Variants in SMARCA4 observed in about 807,000 individuals in gnomAD.
SMARCA4 encodes SWI/SNF related BAF chromatin remodeling complex subunit ATPase 4, also known as SWI/SNF-related matrix-associated actin-dependent regulator of chromatin subfamily A member 4.
SMARCA4 carries 31 observed loss-of-function variants against 193.9 expected under a neutral mutation model. The ratio of observed to expected loss-of-function variants is 0.16; its 90% CI spans 0.12 to 0.22. SMARCA4 has a LOEUF of 0.22. SMARCA4 is among the 10% of genes least tolerant of loss of function. The pLI, the probability that SMARCA4 is intolerant of heterozygous loss-of-function variation, is 1.00. For synonymous variants in SMARCA4, 942 were observed against 933.1 expected, an observed-to-expected ratio of 1.01 and a Z score of -0.17; for missense variants, 1,148 against 2,296.0, an observed-to-expected ratio of 0.50 and a Z score of 10.22.
At chr19:10,973,525 C>T (rs566875272) in intron 1 of SMARCA4, among the ~76,000 whole-genome samples, 29 of 151,786 alleles carry the variant, frequency 1.9e-4, no homozygotes, top group African/African-American at 4.1e-4. Flanking sequence ...CTTAGCCTCC[C>T]GAGTAGCTGG....
chr19:10,995,507 G>T (rs1368481454), intron 9 of SMARCA4: 6 of 456,380 alleles, frequency 1.3e-5, no homozygotes, highest in Non-Finnish European at 2.6e-5. Flanking sequence ...GCTACAGTGA[G>T]GAGGGGGAAG....
intron 1 of SMARCA4, among the ~76,000 whole-genome samples, chr19:10,969,012 A>G (rs1270757901): frequency 6.6e-6 from 1 of 151,978 alleles, no homozygotes; most frequent in Non-Finnish European, 1.5e-5. Context: ...CAAGGTTCTC[A>G]TCCTATTCCT....
At chr19:10,967,427 C>T (rs1223212691) in intron 1 of SMARCA4, among the ~76,000 whole-genome samples, 1 of 152,180 alleles carries the variant, frequency 6.6e-6, no homozygotes, top group African/African-American at 2.4e-5. Flanking sequence ...TCTCCTGCCT[C>T]AGCCTCCTGA....
intron 1 of SMARCA4, among the ~76,000 whole-genome samples, chr19:10,980,566 G>A (rs2085480197): frequency 6.6e-6 from 1 of 151,838 alleles, no homozygotes; most frequent in South Asian, 2.1e-4. Flanking sequence ...CCCCGGGGAC[G>A]GAGGTTGCAG....
chr19:11,044,940 A>AG (rs1188607860), intron 30 of SMARCA4, among the ~76,000 whole-genome samples: 1 of 152,200 alleles, frequency 6.6e-6, no homozygotes, highest in Non-Finnish European at 1.5e-5. Flanking sequence ...CTAATCGTAC[A>AG]GGGCCCCAAA....
intron 1 of SMARCA4, among the ~76,000 whole-genome samples, chr19:10,968,324 G>C (rs550264001): frequency 6.6e-6 from 1 of 152,098 alleles, no homozygotes; most frequent in Non-Finnish European, 1.5e-5. Flanking sequence ...GGTTTCCAGA[G>C]CTTTGCTTTT....
chr19:11,031,610 A>G lies in SMARCA4; in HGVS notation c.3546+717A>G, dbSNP rs2074935586. On this transcript the variant is annotated intron_variant, in intron 25 of 34. Coordinates refer to ENST00000344626, the MANE Select transcript of SMARCA4 (RefSeq NM_003072.5). The surrounding 1 kb of genome is among the most constrained non-coding windows in gnomAD (Gnocchi z 4.3). Reference sequence around the variant, plus strand: ...CTAGCATGTGCCTCTTCCACCAAGCAGTGGGTGTCAACCGCCGAGTGCACA... The same window carrying G: ...CTAGCATGTGCCTCTTCCACCAAGCGGTGGGTGTCAACCGCCGAGTGCACA... 1 of 152,424 alleles carries G rather than the reference A, an allele frequency of 6.6e-6. No individual in the cohort carries two copies. The highest frequency in any genetic ancestry group is 6.5e-5 in the Admixed American group (1 of 15,300). 9.4% of individuals were successfully genotyped at this position (152,424 alleles called of 1,614,324 possible). A position where few individuals can be genotyped will look rare whatever the true frequency, so the allele number is the denominator to read the frequency against.
chr19:10,966,890 C>T (rs1333758442), intron 1 of SMARCA4, among the ~76,000 whole-genome samples: 1 of 121,974 alleles, frequency 8.2e-6, no homozygotes, highest in Non-Finnish European at 1.7e-5. Context: ...TACGTCTCTA[C>T]AAAAGAAAAA....
intron 14 of SMARCA4, 58 bp from the exon 15 acceptor site, chr19:11,010,323 G>T (rs143799919): frequency 6.3e-7 from 1 of 1,587,586 alleles, no homozygotes. Context: ...TCAGGAGCCA[G>T]CACATTGTCA....
chr19:11,022,784 G>A (rs2089971755), intron 19 of SMARCA4, among the ~76,000 whole-genome samples: 1 of 152,138 alleles, frequency 6.6e-6, no homozygotes, highest in Non-Finnish European at 1.5e-5. Flanking sequence ...TGGCGAAACC[G>A]AGGCATTCCC....
intron 9 of SMARCA4, chr19:10,995,944 T>A: frequency 3.8e-6 from 2 of 527,860 alleles, no homozygotes; most frequent in Non-Finnish European, 3.5e-6. Flanking sequence ...GTGTATTTCG[T>A]GGACAGAGTG....
At chr19:11,047,997 T>A (rs2076045474) in intron 30 of SMARCA4, among the ~76,000 whole-genome samples, 1 of 152,200 alleles carries the variant, frequency 6.6e-6, no homozygotes, top group African/African-American at 2.4e-5. Flanking sequence ...GTCTAGAAGT[T>A]ACATTCTGTA....
At chr19:11,061,642 C>T (rs1259996602) in intron 34 of SMARCA4, 142 bp from the exon 35 acceptor site, 12 of 816,232 alleles carry the variant, frequency 1.5e-5, no homozygotes, top group South Asian at 2.7e-5. Flanking sequence ...TTCCAAAGTG[C>T]TGGGATTACG....
chr19:10,966,491 T>C (rs988537380), intron 1 of SMARCA4, among the ~76,000 whole-genome samples: 2 of 149,816 alleles, frequency 1.3e-5, no homozygotes, highest in African/African-American at 4.9e-5. Context: ...ACTTGGGAGG[T>C]TGACGTGGGA....
In SMARCA4 at chr19:11,059,782, G is replaced by A. The variant is rs1201916615; in HGVS notation, c.4665G>A (p.Ser1555=). 4.4e-6 allele frequency: 7 copies of A among 1,598,830 alleles called. No individual in the cohort carries two copies. Among genetic ancestry groups the A allele is most frequent in the African/African-American group, 2.7e-5 (2 of 74,710 alleles). The change falls in exon 33 of 35, where the codon TCG becomes TCA. Residue 1555 remains serine (S), a synonymous_variant. Coordinates refer to ENST00000344626, the MANE Select transcript of SMARCA4 (RefSeq NM_003072.5). ...ATGAAGACTCCATCGTCTTGCAGTC[G>A]GTCTTCACCAGCGTGCGGCAGAAAA... The part of the protein sequence containing the change: ...LIYEDSIVLQ[S]VFTSVRQKIE...
Position 11,058,862 on chromosome 19 carries a change from A to G in SMARCA4, c.4608A>G (p.Ala1536=), listed in dbSNP as rs1198748479. ...ACGTCATGCTCCTGTGCCAGAACGC[A>G]CAGACCTTCAACCTGGAGGGCTCCC... is the stretch of plus-strand genomic sequence containing the variant. ...EKDVMLLCQN[A]QTFNLEGSLI... The change falls in exon 32 of 35, where the codon GCA becomes GCG. Residue 1536 remains alanine, a synonymous_variant. Coordinates refer to ENST00000344626, the MANE Select transcript of SMARCA4 (RefSeq NM_003072.5). The surrounding 1 kb of genome is among the most constrained non-coding windows in gnomAD (Gnocchi z 5.8). 1 of 1,613,950 alleles carries G rather than the reference A, an allele frequency of 6.2e-7. No individual in the cohort carries two copies. Among genetic ancestry groups the G allele is most frequent in the African/African-American group, 1.3e-5 (1 of 74,926 alleles).
chr19:10,961,615 C>T (rs1170595758), intron 1 of SMARCA4: 4 of 152,224 alleles, frequency 2.6e-5, no homozygotes, highest in Admixed American at 6.5e-5. Flanking sequence ...GATCGGGGCT[C>T]AGCCAAACCT....
At chr19:11,051,925 T>C (rs1216309179) in intron 30 of SMARCA4, among the ~76,000 whole-genome samples, 1 of 152,014 alleles carries the variant, frequency 6.6e-6, no homozygotes, top group South Asian at 2.1e-4. Flanking sequence ...GTGAAACCCA[T>C]CTCTACTAAA....
Position 11,004,766 on chromosome 19 carries a change from A to G in SMARCA4, c.2001+1369A>G, listed in dbSNP as rs111669613. 3.6e-3 allele frequency among the ~76,000 whole-genome samples: 550 copies of G among 151,276 alleles called. 7 individuals carry two copies. The highest frequency in any genetic ancestry group is 0.012 in the African/African-American group (510 of 41,204). On this transcript the variant is annotated intron_variant, in intron 13 of 34. Coordinates refer to ENST00000344626, the MANE Select transcript of SMARCA4 (RefSeq NM_003072.5). The stretch of plus-strand genomic sequence containing the variant: ...GGCTTACATTTGCTATTTCTTTTCT[A>G]TGCCTCCTGTTTTTGTTCCTCCTTT...
Sources: gnomAD v4.1 joint callset for allele counts (sites outside exome capture counted in the v4.1 genomes callset) on GRCh38, gnomAD v4.1.1 for gene constraint, Gnocchi (gnomAD v3.1) non-coding constraint, MANE v1.5 for transcripts, NCBI Gene and HGNC (gene_info 2026-07-23, HGNC 2026-07-21) for gene names.